POC1A: variants seen among roughly 807,000 people sequenced by gnomAD.
POC1A encodes POC1 centriolar protein A.
In POC1A, 34 loss-of-function variants were observed where a neutral mutation model predicts 47.8. The observed-to-expected ratio is 0.71, with a 90% confidence interval of 0.54 to 0.95. The LOEUF is 0.95. Among genes scored for constraint, POC1A ranks in the 40% least tolerant of loss-of-function variants. POC1A has a pLI of 0.00. For missense variants in POC1A, 466 were observed against 528.3 expected (o/e 0.88, Z 1.16); for synonymous variants, 177 against 207.6 (o/e 0.85, Z 1.27).
chr3:52,123,569 T>C (rs1297650703), intron 8 of POC1A, among the ~76,000 whole-genome samples: 2 of 152,238 alleles, frequency 1.3e-5, no homozygotes, highest in African/African-American at 4.8e-5. Context: ...CTCTCCCAGA[T>C]GGATGGCGTC....
intron 7 of POC1A, among the ~76,000 whole-genome samples, chr3:52,134,050 G>C (rs1434766091): frequency 6.6e-6 from 1 of 152,136 alleles, no homozygotes; most frequent in African/African-American, 2.4e-5. Flanking sequence ...ATCAGAATGG[G>C]GTCATGTAGC....
At chr3:52,116,228 C>A (rs938379035) in intron 9 of POC1A, among the ~76,000 whole-genome samples, 6 of 152,180 alleles carry the variant, frequency 3.9e-5, no homozygotes, top group African/African-American at 1.4e-4. Flanking sequence ...TCCCACAAAT[C>A]CCTAAGTGAA....
In POC1A at chr3:52,149,283, T is replaced by C; in HGVS notation, c.382A>G (p.Lys128Glu). ...TTCTGGCGATGAGTTGCCCACACTTTGACTGTCTTGTCGTCAGAGGCTGTC... is the reference window on the plus strand; with the variant it reads ...TTCTGGCGATGAGTTGCCCACACTTCGACTGTCTTGTCGTCAGAGGCTGTC... ...FVTASDDKTV[K>E]VWATHRQKFL... Residue 128 changes from lysine to glutamate, a missense_variant, in exon 4 of 11, where the codon AAA becomes GAA. By Grantham distance (56) the Lys-to-Glu change is moderately conservative. Coordinates refer to ENST00000296484, the MANE Select transcript of POC1A (RefSeq NM_015426.5). 1 of 1,614,206 alleles carries C rather than the reference T, an allele frequency of 6.2e-7. No individual in the cohort carries two copies. Among genetic ancestry groups the C allele is most frequent in the Non-Finnish European group, 8.5e-7 (1 of 1,180,024 alleles).
Position 52,096,689 on chromosome 3 carries a change from G to A in POC1A, c.1005C>T (p.Pro335=), listed in dbSNP as rs775753197. 1.4e-5 allele frequency: 22 copies of A among 1,601,490 alleles called. No individual in the cohort carries two copies. Among genetic ancestry groups the A allele is most frequent in the Non-Finnish European group, 1.9e-5 (22 of 1,175,494 alleles). The change falls in exon 10 of 11, where the codon CCC becomes CCT. Residue 335 remains proline, a synonymous_variant. Transcript: ENST00000296484. The part of the protein sequence containing the change: ...GNLPEVDFPV[P]PGRGRSVESV... ...ACTCCACACTCCTGCCTCTGCCTGGGGGGACAGGGAAGTCCACTTCTGGCT... is the reference window on the plus strand; with the variant it reads ...ACTCCACACTCCTGCCTCTGCCTGGAGGGACAGGGAAGTCCACTTCTGGCT...
At chr3:52,082,458 C>A (rs1702330147) in intron 10 of POC1A, among the ~76,000 whole-genome samples, 1 of 152,268 alleles carries the variant, frequency 6.6e-6, no homozygotes, top group South Asian at 2.1e-4. Flanking sequence ...GATCTAGGAG[C>A]TCGGACCAGG....
intron 10 of POC1A, among the ~76,000 whole-genome samples, chr3:52,076,680 T>A (rs1444087364): frequency 2.6e-5 from 4 of 152,362 alleles, no homozygotes; most frequent in Non-Finnish European, 2.9e-5. Flanking sequence ...ACAACCAAGC[T>A]CATGGCCTAG....
At position 52,149,293 on chromosome 3, in the gene POC1A, G is replaced by T; in HGVS notation, c.372C>A (p.Asp124Glu). ...GAGTTGCCCACACTTTGACTGTCTT[G>T]TCGTCAGAGGCTGTCACGAAGGACT... ...DGQSFVTASD[D>E]KTVKVWATHR... is the part of the protein sequence containing the mutation. The change falls in exon 4 of 11, where the codon GAC (aspartate) becomes GAA (glutamate). Residue 124 changes from aspartate (D) to glutamate (E), a missense_variant. Transcript: ENST00000296484. The T allele has an allele frequency of 6.2e-7, 1 of 1,614,152 alleles. No homozygotes were observed. The highest frequency in any genetic ancestry group is 8.5e-7 in the Non-Finnish European group (1 of 1,179,978).
At chr3:52,081,229 T>G (rs1318778119) in intron 10 of POC1A, among the ~76,000 whole-genome samples, 1 of 152,250 alleles carries the variant, frequency 6.6e-6, no homozygotes, top group Non-Finnish European at 1.5e-5. Flanking sequence ...ACACGCCTGC[T>G]GGCTTCCGTA....
chr3:52,134,900 C>G (rs576349576), intron 7 of POC1A, among the ~76,000 whole-genome samples: 1 of 152,262 alleles, frequency 6.6e-6, no homozygotes, highest in East Asian at 1.9e-4. Context: ...CCAGGCTGCT[C>G]AGCCACACAA....
intron 7 of POC1A, among the ~76,000 whole-genome samples, chr3:52,127,436 G>A (rs1704047877): frequency 6.6e-6 from 1 of 151,778 alleles, no homozygotes; most frequent in Admixed American, 6.6e-5. Flanking sequence ...TGTTGCCCGG[G>A]CTGGAGTGCA....
In POC1A at chr3:52,154,293, T is replaced by G. The variant is rs1377913995; in HGVS notation, c.18+62A>C. ...CCCTCGCAGCCATCGCTCTGGCCAT[T>G]AGGCGCCCAGTGTCCCAGCGGGGAG... On this transcript the variant is annotated intron_variant, in intron 1 of 10. Coordinates refer to ENST00000296484, the MANE Select transcript of POC1A (RefSeq NM_015426.5). 4.0e-6 allele frequency: 6 copies of G among 1,511,374 alleles called. No individual in the cohort carries two copies. In the African/African-American group the frequency reaches 8.6e-5, roughly 22 times the overall value. The allele number at this position is 1,511,374 out of a possible 1,614,324, so 93.6% of individuals were successfully genotyped here.
At chr3:52,085,690 C>A (rs570677870) in intron 10 of POC1A, among the ~76,000 whole-genome samples, 1 of 152,240 alleles carries the variant, frequency 6.6e-6, no homozygotes, top group Non-Finnish European at 1.5e-5. Flanking sequence ...CACGAAGGCT[C>A]CTCAGCTACA....
Position 52,075,652 on chromosome 3 carries a change from C to A in POC1A, c.*235G>T. ...TTAAGCAAAATGTGGTCCTCTCATTCGGGTCTGAAGCATCATTTGTGTGTG... is the reference window on the plus strand; with the variant it reads ...TTAAGCAAAATGTGGTCCTCTCATTAGGGTCTGAAGCATCATTTGTGTGTG... On this transcript the variant is annotated 3_prime_UTR_variant, in exon 11 of 11. Coordinates refer to ENST00000296484, the MANE Select transcript of POC1A (RefSeq NM_015426.5). 2.5e-6 allele frequency: 1 copy of A among 396,200 alleles called. No individual in the cohort carries two copies. Among genetic ancestry groups the A allele is most frequent in the South Asian group, 3.5e-5 (1 of 28,546 alleles). 24.5% of individuals were successfully genotyped at this position (396,200 alleles called of 1,614,324 possible). A position where few individuals can be genotyped will look rare whatever the true frequency, so the allele number is the denominator to read the frequency against.
rs1421305784 is a variant in POC1A, at chr3:52,118,292, G to A, written c.981+4087C>T. ...AGTAGAGAAGGTTCCCCAGCCACAA[G>A]CCCTGAAATCCCTCCTCATGCACAA... On this transcript the variant is annotated intron_variant, in intron 9 of 10. Coordinates refer to ENST00000296484, the MANE Select transcript of POC1A (RefSeq NM_015426.5). 2.0e-5 allele frequency among the ~76,000 whole-genome samples: 3 copies of A among 152,182 alleles called. No homozygotes were observed. The East Asian group carries it at 5.8e-4, about 29-fold the overall frequency.
chr3:52,106,695 C>G (rs1281549755), intron 9 of POC1A, among the ~76,000 whole-genome samples: 1 of 152,180 alleles, frequency 6.6e-6, no homozygotes, highest in Non-Finnish European at 1.5e-5. Context: ...ATCACAGGTG[C>G]CTGTCATCCT....
At chr3:52,120,902 AG>A (rs1214960729) in intron 9 of POC1A, among the ~76,000 whole-genome samples, 2 of 152,382 alleles carry the variant, frequency 1.3e-5, no homozygotes, top group African/African-American at 4.8e-5. Context: ...AATAGCTACA[AG>A]AACATGGGAT....
intron 9 of POC1A, among the ~76,000 whole-genome samples, chr3:52,099,365 G>A (rs925288158): frequency 6.6e-6 from 1 of 152,184 alleles, no homozygotes; most frequent in Non-Finnish European, 1.5e-5. Context: ...AAATAAGCAA[G>A]AAAGCAGAGA....
chr3:52,101,191 G>C (rs181450276), intron 9 of POC1A, among the ~76,000 whole-genome samples: 1 of 152,054 alleles, frequency 6.6e-6, no homozygotes, highest in Admixed American at 6.5e-5. Flanking sequence ...GCCCCTCTGA[G>C]GGGCATGCCC....
At position 52,145,942 on chromosome 3, in the gene POC1A, A is replaced by G. The variant is rs1464293890; in HGVS notation, c.583T>C (p.Phe195Leu). 1 of 1,612,622 alleles carries G rather than the reference A, an allele frequency of 6.2e-7. No individual in the cohort carries two copies. Among genetic ancestry groups the G allele is most frequent in the Non-Finnish European group, 8.5e-7 (1 of 1,178,858 alleles). Residue 195 changes from phenylalanine (F) to leucine (L), a missense_variant, in exon 6 of 11, where the codon TTC (phenylalanine) becomes CTC (leucine). Phe to Leu is a conservative substitution (Grantham distance 22). Coordinates refer to ENST00000296484, the MANE Select transcript of POC1A (RefSeq NM_015426.5). ...GCAATGCACGTCCCACTGGGGTGGA[A>G]GTCCACATAGGTGACAAAGCTGGAA... ...EHGGFVTYVD[F>L]HPSGTCIAAA...
Sources: allele counts gnomAD v4.1 joint callset (sites outside exome capture counted in the v4.1 genomes callset), GRCh38; gene constraint gnomAD v4.1.1; transcripts MANE v1.5; gene names NCBI Gene and HGNC (gene_info 2026-07-23, HGNC 2026-07-21).